MRPL15: variants seen among roughly 807,000 people sequenced by gnomAD.
The protein encoded by MRPL15 is large ribosomal subunit protein uL15m.
MRPL15 carries 24 observed loss-of-function variants against 28.0 expected under a neutral mutation model. The observed-to-expected ratio is 0.86, with a 90% CI of 0.62 to 1.21. The LOEUF (loss-of-function observed/expected upper bound fraction) is 1.21. Ranked by LOEUF, MRPL15 falls within the 50% of genes most tolerant of loss-of-function variation. MRPL15 has a pLI of 0.00. For synonymous variants in MRPL15, 124 were observed against 137.0 expected, an observed-to-expected ratio of 0.90 and a Z score of 0.66; for missense variants, 343 against 372.4, an observed-to-expected ratio of 0.92 and a Z score of 0.65.
intron 1 of MRPL15, 22 bp downstream of exon 1, chr8:54,135,413 G>C: frequency 6.6e-7 from 1 of 1,522,230 alleles, no homozygotes; most frequent in African/African-American, 1.4e-5. Context: ...GTGGCGGTGC[G>C]GGGAAGCGCT....
chr8:54,146,409 T>C (rs1271405876), intron 4 of MRPL15, among the ~76,000 whole-genome samples: 2 of 150,638 alleles, frequency 1.3e-5, no homozygotes, highest in Non-Finnish European at 2.9e-5. Context: ...ATCATGCCAC[T>C]GTACTCTAGC....
In MRPL15 at chr8:54,142,761, A is replaced by C. The variant is rs1366989075; in HGVS notation, c.528A>C (p.Thr176=). 1 of 1,614,084 alleles carries C rather than the reference A, an allele frequency of 6.2e-7. No homozygotes were observed. The highest frequency in any genetic ancestry group is 8.5e-7 in the Non-Finnish European group (1 of 1,180,028). ...AAAAAAATGGTGGTGTTGTTACTAC[A>C]GCCTTCTATGATCCAAGAAGTCTGG... The part of the protein sequence containing the change: ...AIEKNGGVVT[T]AFYDPRSLDI... The change falls in exon 4 of 5, where the codon ACA becomes ACC. Residue 176 remains threonine, a synonymous_variant. Transcript: ENST00000260102.
In MRPL15 at chr8:54,136,589, C is replaced by A; in HGVS notation, c.187C>A (p.Pro63Thr). 1 of 1,614,192 alleles carries A rather than the reference C, an allele frequency of 6.2e-7. No individual in the cohort carries two copies. Among genetic ancestry groups the A allele is most frequent in the East Asian group, 2.2e-5 (1 of 44,890 alleles). ...AGGAGAAAGGCAAAGAGGAACCCGG[C>A]CCCGCTTGGGCTTTGAGGGAGGCCA... ...HKGERQRGTRPRLGFEGGQTP... is the reference protein window; with the variant it reads ...HKGERQRGTRTRLGFEGGQTP... Residue 63 changes from proline (P) to threonine (T), a missense_variant, in exon 2 of 5, where the codon CCC becomes ACC. Transcript: ENST00000260102.
chr8:54,137,233 G>A, intron 2 of MRPL15, 35 bp from the exon 3 acceptor site: 2 of 1,583,164 alleles, frequency 1.3e-6, no homozygotes. Flanking sequence ...ACAGGAAGAT[G>A]AGAGTTTTCC....
chr8:54,142,554 A>G, intron 3 of MRPL15, 109 bp from the exon 4 acceptor site: 2 of 1,292,684 alleles, frequency 1.5e-6, no homozygotes, highest in Non-Finnish European at 2.1e-6. Flanking sequence ...CTGTATTGTT[A>G]TGTTATAGGC....
intron 3 of MRPL15, among the ~76,000 whole-genome samples, chr8:54,137,690 C>G: frequency 6.6e-6 from 1 of 152,158 alleles, no homozygotes; most frequent in East Asian, 1.9e-4. Context: ...TCTTGAACTC[C>G]TGACCTTAAG....
At chr8:54,138,638 GTC>G (rs1329694433) in intron 3 of MRPL15, among the ~76,000 whole-genome samples, 1 of 151,888 alleles carries the variant, frequency 6.6e-6, no homozygotes, top group Non-Finnish European at 1.5e-5. Context: ...TTTTTTGAGA[GTC>G]TTTTTAAAAG....
At position 54,147,525 on chromosome 8, in the gene MRPL15, C is replaced by T. The variant is rs1181266522; in HGVS notation, c.697C>T (p.Arg233Ter). Residue 233 changes from arginine to a stop codon, truncating the protein, a stop_gained, in exon 5 of 5, where the codon CGA (arginine) becomes TGA (stop). Transcript: ENST00000260102. LOFTEE classifies it high-confidence loss of function. ...LADPAKFPEA[R>*]LELARKYGYI... ...GGATCCTGCCAAATTTCCTGAAGCA[C>T]GACTTGAACTCGCCAGGAAGTATGG... 6 of 1,613,960 alleles carry T rather than the reference C, an allele frequency of 3.7e-6. No homozygotes were observed. The highest frequency in any genetic ancestry group is 2.7e-5 in the African/African-American group (2 of 74,878).
chr8:54,137,716 G>A (rs529703874), intron 3 of MRPL15, among the ~76,000 whole-genome samples: 20 of 152,106 alleles, frequency 1.3e-4, no homozygotes, highest in Middle Eastern at 3.4e-3. Context: ...TGCTCACCTC[G>A]GCCTCCCAAA....
At chr8:54,143,076 C>G (rs1210821414) in intron 4 of MRPL15, among the ~76,000 whole-genome samples, 1 of 151,894 alleles carries the variant, frequency 6.6e-6, no homozygotes, top group Non-Finnish European at 1.5e-5. Context: ...TCTGAAATGT[C>G]TCTTTTCTCT....
chr8:54,147,288 TAC>T, intron 4 of MRPL15, 92 bp from the exon 5 acceptor site: 1 of 915,800 alleles, frequency 1.1e-6, no homozygotes, highest in East Asian at 2.5e-5. Flanking sequence ...ATCTCTATGG[TAC>T]AGAGTTACAT....
intron 3 of MRPL15, among the ~76,000 whole-genome samples, chr8:54,142,448 G>A (rs1810944999): frequency 6.6e-6 from 1 of 152,274 alleles, no homozygotes; most frequent in South Asian, 2.1e-4. Flanking sequence ...GAACCACTGC[G>A]CCCAGCCTTA....
At chr8:54,143,121 C>T (rs1403732786) in intron 4 of MRPL15, among the ~76,000 whole-genome samples, 1 of 151,996 alleles carries the variant, frequency 6.6e-6, no homozygotes, top group Non-Finnish European at 1.5e-5. Context: ...TGCTCTGTTG[C>T]CCAGGCTGGA....
chr8:54,137,350 ATTGAC>A lies in MRPL15; in HGVS notation c.349_353del (p.Asp117AsnfsTer15), dbSNP rs1361675314. The A allele has an allele frequency of 1.2e-6, 2 of 1,613,624 alleles. No individual in the cohort carries two copies. Among genetic ancestry groups the A allele is most frequent in the East Asian group, 2.2e-5 (1 of 44,890 alleles). On this transcript the variant is annotated frameshift_variant, in exon 3 of 5. Transcript: ENST00000260102. LOFTEE classifies it high-confidence loss of function. The stretch of plus-strand genomic sequence containing the variant: ...GGGTCGTGTTGATCCTAGTCAACCT[ATTGAC>A]TTAACCCAGCTTGTCAATGGGAGAG...
At chr8:54,137,480 T>C (rs141625063) in intron 3 of MRPL15, 47 bp downstream of exon 3, 5 of 1,579,222 alleles carry the variant, frequency 3.2e-6, no homozygotes, top group East Asian at 2.2e-5. Context: ...GGATTTTTTT[T>C]TTAGACAGAG....
intron 3 of MRPL15, 138 bp from the exon 4 acceptor site, chr8:54,142,525 C>T: frequency 2.1e-6 from 2 of 956,822 alleles, no homozygotes; most frequent in South Asian, 1.9e-5. Flanking sequence ...ATGTGGAACC[C>T]ACAGATATGG....
rs756378155 is a variant in MRPL15 at position 54,135,314 on chromosome 8, C to T, written c.31C>T (p.Arg11Trp). The change falls in exon 1 of 5, where the codon CGG becomes TGG. Residue 11 changes from arginine to tryptophan, a missense_variant. Physicochemically the swap from Arg to Trp is moderately radical, Grantham distance 101. Coordinates refer to ENST00000260102, the MANE Select transcript of MRPL15 (RefSeq NM_014175.4). Reference sequence around the variant, plus strand: ...CGGTCCCTTGCAGGGCGGTGGGGCCCGGGCCCTGGACCTACTCCGGGGCCT... The same window carrying T: ...CGGTCCCTTGCAGGGCGGTGGGGCCTGGGCCCTGGACCTACTCCGGGGCCT... MAGPLQGGGA[R>W]ALDLLRGLPR... 1.4e-5 allele frequency: 20 copies of T among 1,438,226 alleles called. No individual in the cohort carries two copies. The highest frequency in any genetic ancestry group is 1.8e-4 in the Middle Eastern group (1 of 5,456). The allele number at this position is 1,438,226 out of a possible 1,614,324, so 89.1% of individuals were successfully genotyped here. A position where few individuals can be genotyped will look rare whatever the true frequency, so the allele number is the denominator to read the frequency against.
In MRPL15 at chr8:54,147,247, A is replaced by C; in HGVS notation, c.554-135A>C. The C allele has an allele frequency of 4.4e-6, 3 of 682,028 alleles. No homozygotes were observed. In the East Asian group the frequency reaches 8.7e-5, roughly 20 times the overall value. 42.2% of individuals were successfully genotyped at this position (682,028 alleles called of 1,614,324 possible). On this transcript the variant is annotated intron_variant, in intron 4 of 4. Coordinates refer to ENST00000260102, the MANE Select transcript of MRPL15 (RefSeq NM_014175.4). ...AACTGCGTCTCAAAAAAAAAATAAT[A>C]AAAATTAATAATCAAGAGAAACTCT...
chr8:54,142,920 T>C, intron 4 of MRPL15, 134 bp downstream of exon 4: 2 of 1,264,478 alleles, frequency 1.6e-6, no homozygotes, highest in Non-Finnish European at 1.1e-6. Flanking sequence ...CCATATGGAT[T>C]ATTATGATTT....
Sources: gnomAD v4.1 joint callset for allele counts (sites outside exome capture counted in the v4.1 genomes callset) on GRCh38, gnomAD v4.1.1 for gene constraint, MANE v1.5 for transcripts, NCBI Gene and HGNC (gene_info 2026-07-23, HGNC 2026-07-21) for gene names.